EFCAB5: variants seen among roughly 807,000 people sequenced by gnomAD.
EFCAB5 encodes the protein EF-hand calcium binding domain 5.
EFCAB5 carries 131 observed loss-of-function variants against 167.9 expected under a neutral mutation model. That is an observed-to-expected ratio of 0.78 (90% CI 0.68 to 0.90). The LOEUF (loss-of-function observed/expected upper bound fraction) is 0.90, where lower values mean the gene tolerates loss of function less well. EFCAB5 is among the 40% of genes least tolerant of loss of function. The pLI is 0.00. For synonymous variants in EFCAB5, 574 were observed against 602.8 expected (o/e 0.95, Z 0.70); for missense variants, 1,663 against 1,745.2 (o/e 0.95, Z 0.84).
At chr17:29,992,592 T>G (rs1021250559) in intron 4 of EFCAB5, among the ~76,000 whole-genome samples, 1 of 152,194 alleles carries the variant, frequency 6.6e-6, no homozygotes, top group Non-Finnish European at 1.5e-5. Context: ...GTGATCCGCC[T>G]GCCTTGGCCT....
At chr17:29,944,940 T>C (rs1016974979) in intron 3 of EFCAB5, among the ~76,000 whole-genome samples, 1 of 152,142 alleles carries the variant, frequency 6.6e-6, no homozygotes, top group Admixed American at 6.6e-5. Context: ...TTTACTGTTT[T>C]TACTCCTGTA....
intron 7 of EFCAB5, among the ~76,000 whole-genome samples, chr17:30,025,820 C>T (rs2069304056): frequency 6.6e-6 from 1 of 152,070 alleles, no homozygotes; most frequent in Non-Finnish European, 1.5e-5. Context: ...ACATATACAC[C>T]ATGGAATACT....
In EFCAB5 at chr17:30,080,934, C is replaced by T; in HGVS notation, c.3379C>T (p.Pro1127Ser). 1.9e-6 allele frequency: 3 copies of T among 1,613,508 alleles called. No homozygotes were observed. The highest frequency in any genetic ancestry group is 2.5e-6 in the Non-Finnish European group (3 of 1,179,854). The part of the protein sequence containing the change: ...GVLAVDTLRD[P>S]HEINIFLPHE... Reference sequence around the variant, plus strand: ...CTTGGCTGTTGATACCCTTAGAGATCCCCACGAAATAAACATCTTTCTACC... The same window carrying T: ...CTTGGCTGTTGATACCCTTAGAGATTCCCACGAAATAAACATCTTTCTACC... Residue 1127 changes from proline (P) to serine (S), a missense_variant, in exon 17 of 23, where the codon CCC becomes TCC. Pro to Ser is a moderately conservative substitution (Grantham distance 74, BLOSUM62 -1). Coordinates refer to ENST00000394835, the MANE Select transcript of EFCAB5 (RefSeq NM_198529.4).
At chr17:29,962,117 G>A (rs1021768024) in intron 3 of EFCAB5, among the ~76,000 whole-genome samples, 1 of 152,148 alleles carries the variant, frequency 6.6e-6, no homozygotes, top group African/African-American at 2.4e-5. Context: ...TGGGTAGTGT[G>A]AATCCTTCAA....
intron 3 of EFCAB5, among the ~76,000 whole-genome samples, chr17:29,952,109 C>T (rs1340100745): frequency 2.0e-5 from 3 of 152,170 alleles, no homozygotes; most frequent in African/African-American, 7.2e-5. Flanking sequence ...CTTGTCTCTG[C>T]TTCCTAGATG....
At chr17:30,101,749 TC>T (rs1454897930) in intron 22 of EFCAB5, among the ~76,000 whole-genome samples, 1 of 152,022 alleles carries the variant, frequency 6.6e-6, no homozygotes, top group Non-Finnish European at 1.5e-5. Context: ...GGAAATGGGG[TC>T]AAGGTTTTGT....
At chr17:30,050,355 G>A (rs1206773356) in intron 8 of EFCAB5, among the ~76,000 whole-genome samples, 2 of 151,996 alleles carry the variant, frequency 1.3e-5, no homozygotes, top group Non-Finnish European at 2.9e-5. Flanking sequence ...GGCTGGTCTC[G>A]AACTCCCGAC....
At chr17:29,937,793 T>C (rs1049538281), upstream of EFCAB5, among the ~76,000 whole-genome samples, 5 of 152,186 alleles carry the variant, frequency 3.3e-5, no homozygotes, top group East Asian at 5.8e-4. Flanking sequence ...CAAACTTGAG[T>C]TAAGACTCCA....
At chr17:30,085,954 T>A (rs1035851246) in intron 18 of EFCAB5, among the ~76,000 whole-genome samples, 2 of 152,148 alleles carry the variant, frequency 1.3e-5, no homozygotes, top group African/African-American at 4.8e-5. Context: ...CCCCTATGGA[T>A]CCTCTTATCA....
chr17:29,996,296 C>G lies in EFCAB5; in HGVS notation c.925-16C>G, dbSNP rs1327379745. The G allele has an allele frequency of 1.3e-6, 2 of 1,541,822 alleles. No homozygotes were observed. The highest frequency in any genetic ancestry group is 2.8e-5 in the African/African-American group (2 of 72,260). On this transcript the variant is annotated splice_polypyrimidine_tract_variant and intron_variant, in intron 5 of 22. Transcript: ENST00000394835. ...GGCATATGGTTTCTTTCTTTTTTTC[C>G]TCTTTTGAGTTGCAGATTCAGAATG...
At chr17:30,073,908 TA>T (rs2070809474) in intron 14 of EFCAB5, 1 of 287,814 alleles carries the variant, frequency 3.5e-6, no homozygotes, top group East Asian at 5.5e-5. Flanking sequence ...AAAAAATAAA[TA>T]AAAGATATAG....
intron 19 of EFCAB5, among the ~76,000 whole-genome samples, chr17:30,089,597 T>C (rs936876959): frequency 1.4e-4 from 21 of 152,158 alleles, no homozygotes; most frequent in African/African-American, 4.6e-4. Context: ...GCAGATGCTA[T>C]AGATGCTCTA....
chr17:30,015,686 A>G (rs1454052827), intron 7 of EFCAB5, among the ~76,000 whole-genome samples: 1 of 151,664 alleles, frequency 6.6e-6, no homozygotes, highest in African/African-American at 2.4e-5. Context: ...TGTGCTTTTG[A>G]AATGCATTTC....
intron 4 of EFCAB5, among the ~76,000 whole-genome samples, chr17:29,979,923 C>CT (rs1218669030): frequency 6.6e-6 from 1 of 152,206 alleles, no homozygotes; most frequent in Non-Finnish European, 1.5e-5. Flanking sequence ...AATCCCACCA[C>CT]TTTAGGAGGC....
intron 12 of EFCAB5, 54 bp from the exon 13 acceptor site, chr17:30,057,622 C>G: frequency 3.3e-6 from 5 of 1,495,130 alleles, no homozygotes; most frequent in Non-Finnish European, 4.6e-6. Flanking sequence ...ATTTATTTTC[C>G]CTAACTGAAA....
At chr17:30,089,747 C>A (rs1380895115) in intron 19 of EFCAB5, among the ~76,000 whole-genome samples, 1 of 152,162 alleles carries the variant, frequency 6.6e-6, no homozygotes, top group African/African-American at 2.4e-5. Flanking sequence ...ACTCCCCCAG[C>A]CCAAACTGCC....
At chr17:30,023,396 C>T (rs1393387215) in intron 7 of EFCAB5, among the ~76,000 whole-genome samples, 3 of 152,006 alleles carry the variant, frequency 2.0e-5, no homozygotes, top group Non-Finnish European at 2.9e-5. Context: ...GAGAATACTA[C>T]AAACACCTCT....
chr17:30,022,014 G>C (rs2069191362), intron 7 of EFCAB5, among the ~76,000 whole-genome samples: 1 of 152,080 alleles, frequency 6.6e-6, no homozygotes, highest in Non-Finnish European at 1.5e-5. Context: ...TTAATATAGA[G>C]AAAAAGAGAA....
chr17:29,981,867 G>A (rs1157555925), intron 4 of EFCAB5, among the ~76,000 whole-genome samples: 1 of 152,032 alleles, frequency 6.6e-6, no homozygotes, highest in Non-Finnish European at 1.5e-5. Flanking sequence ...ACTATTTAAT[G>A]AGGATGCTAT....
Sources: gnomAD v4.1 joint callset for allele counts (sites outside exome capture counted in the v4.1 genomes callset) on GRCh38, gnomAD v4.1.1 for gene constraint, MANE v1.5 for transcripts, NCBI Gene and HGNC (gene_info 2026-07-23, HGNC 2026-07-21) for gene names.